Variants in SGPL1 observed in about 807,000 individuals in gnomAD.
The protein encoded by SGPL1 is sphingosine-1-phosphate lyase 1.
In SGPL1, 37 loss-of-function variants were observed where a neutral mutation model predicts 68.9. The observed-to-expected ratio is 0.54, with a 90% CI of 0.41 to 0.71. The LOEUF (loss-of-function observed/expected upper bound fraction) is 0.71, where lower values mean the gene tolerates loss of function less well. Ranked by LOEUF, SGPL1 falls within the 30% of genes least tolerant of loss-of-function variation. SGPL1 has a pLI of 0.00. For missense variants in SGPL1, 551 were observed against 704.6 expected, an observed-to-expected ratio of 0.78 and a Z score of 2.47; for synonymous variants, 236 against 248.5, an observed-to-expected ratio of 0.95 and a Z score of 0.47.
At position 70,859,494 on chromosome 10, in the gene SGPL1, G is replaced by A; in HGVS notation, c.610G>A (p.Gly204Arg). ...GTTCAATGGGGGACCAGATTCGTGT[G>A]GATGTGTAAGTATATGCAAGGGGCA... ...SLFNGGPDSC[G>R]CVTSGGTESI... is the part of the protein sequence containing the mutation. Residue 204 changes from glycine to arginine, a missense_variant, in exon 7 of 15, where the codon GGA becomes AGA. Coordinates refer to ENST00000373202, the MANE Select transcript of SGPL1 (RefSeq NM_003901.4). The A allele has an allele frequency of 1.3e-6, 2 of 1,517,354 alleles. No homozygotes were observed. The highest frequency in any genetic ancestry group is 5.1e-5 in the East Asian group (2 of 39,268). The allele number at this position is 1,517,354 out of a possible 1,614,324, so 94.0% of individuals were successfully genotyped here.
intron 2 of SGPL1, among the ~76,000 whole-genome samples, chr10:70,835,735 C>CGAA (rs1845617610): frequency 2.9e-5 from 2 of 70,130 alleles, no homozygotes; most frequent in Non-Finnish European, 5.5e-5. Context: ...GACTCCGTCT[C>CGAA]AAAAAAAAAA....
intron 9 of SGPL1, 135 bp from the exon 10 acceptor site, chr10:70,870,913 C>G (rs1285706511): frequency 1.5e-6 from 1 of 682,838 alleles, no homozygotes; most frequent in Non-Finnish European, 2.6e-6. Flanking sequence ...CAGTCTTCTC[C>G]CAGTTGGAGT....
In SGPL1 at chr10:70,868,450, G is replaced by A. The variant is rs982921874; in HGVS notation, c.704+17G>A. 9 of 1,598,620 alleles carry A rather than the reference G, an allele frequency of 5.6e-6. No homozygotes were observed. The highest frequency in any genetic ancestry group is 7.7e-6 in the Non-Finnish European group (9 of 1,165,954). On this transcript the variant is annotated intron_variant, in intron 8 of 14. Coordinates refer to ENST00000373202, the MANE Select transcript of SGPL1 (RefSeq NM_003901.4). ...TCCAGAAATGTATGTATGTGTGGCT[G>A]TTTTGTCCCCTTTTGGATTTGTCTG...
chr10:70,830,328 T>C (rs540857938), intron 2 of SGPL1, among the ~76,000 whole-genome samples: 5 of 152,296 alleles, frequency 3.3e-5, no homozygotes, highest in Admixed American at 6.5e-5. Flanking sequence ...CTTATTTCCT[T>C]CTCACCGGTC....
chr10:70,858,349 G>C (rs1245078267), intron 6 of SGPL1, among the ~76,000 whole-genome samples: 2 of 152,062 alleles, frequency 1.3e-5, no homozygotes, highest in Admixed American at 6.6e-5. Flanking sequence ...TGTTGCCCAG[G>C]TTGGTCTTCA....
intron 7 of SGPL1, chr10:70,860,563 C>A: frequency 2.4e-6 from 1 of 409,626 alleles, no homozygotes; most frequent in South Asian, 1.9e-5. Flanking sequence ...CCTTAGAGTA[C>A]TGAGGTGAAC....
In SGPL1 at chr10:70,871,126, C is replaced by T; in HGVS notation, c.889C>T (p.Pro297Ser). The change falls in exon 10 of 15, where the codon CCT (proline) becomes TCT (serine). Residue 297 changes from proline to serine, a missense_variant. By Grantham distance (74) the Pro-to-Ser change is moderately conservative. Coordinates refer to ENST00000373202, the MANE Select transcript of SGPL1 (RefSeq NM_003901.4). Reference sequence around the variant, plus strand: ...ACAGTTTCCTCATGGTGTAATAGATCCTGTCCCTGAAGTGGCCAAGGTATA... The same window carrying T: ...ACAGTTTCCTCATGGTGTAATAGATTCTGTCCCTGAAGTGGCCAAGGTATA... The part of the protein sequence containing the change: ...TPQFPHGVID[P>S]VPEVAKLAVK... 1 of 1,613,014 alleles carries T rather than the reference C, an allele frequency of 6.2e-7. No homozygotes were observed. The highest frequency in any genetic ancestry group is 8.5e-7 in the Non-Finnish European group (1 of 1,179,282).
At chr10:70,817,191 T>G (rs985051311) in intron 2 of SGPL1, among the ~76,000 whole-genome samples, 1 of 152,122 alleles carries the variant, frequency 6.6e-6, no homozygotes, top group Non-Finnish European at 1.5e-5. Context: ...GGCTAATTTT[T>G]GTATTTTTAG....
At chr10:70,854,170 C>T (rs1189259172) in intron 4 of SGPL1, among the ~76,000 whole-genome samples, 1 of 138,636 alleles carries the variant, frequency 7.2e-6, no homozygotes, top group Non-Finnish European at 1.6e-5. Flanking sequence ...TTGGGTGCAA[C>T]TTTTTTTTTT....
chr10:70,869,771 C>G, intron 8 of SGPL1, 21 bp from the exon 9 acceptor site: 4 of 1,596,982 alleles, frequency 2.5e-6, no homozygotes, highest in Non-Finnish European at 3.4e-6. Flanking sequence ...TTACATTATT[C>G]TCCTCTTCCC....
chr10:70,877,256 C>T lies in SGPL1; in HGVS notation c.1628C>T (p.Ser543Leu), dbSNP rs140703889. 3.8e-5 allele frequency: 61 copies of T among 1,613,800 alleles called. No individual in the cohort carries two copies. Among genetic ancestry groups the T allele is most frequent in the Non-Finnish European group, 4.9e-5 (58 of 1,179,780 alleles). The change falls in exon 15 of 15, where the codon TCA becomes TTA. Residue 543 changes from serine to leucine, a missense_variant. By Grantham distance (145) the Ser-to-Leu change is moderately radical. Transcript: ENST00000373202. ...VDRNMVAELS[S>L]VFLDSLYSTD... ...AGGAATATGGTTGCAGAATTGTCCT[C>T]AGTCTTCTTGGACAGCTTGTACAGC... is the stretch of plus-strand genomic sequence containing the variant.
At chr10:70,862,012 G>A (rs570621480) in intron 7 of SGPL1, among the ~76,000 whole-genome samples, 1 of 152,350 alleles carries the variant, frequency 6.6e-6, no homozygotes, top group African/African-American at 2.4e-5. Flanking sequence ...GACCACCCAA[G>A]GGCTGAGGAG....
rs758628412 is a variant in SGPL1 at position 70,816,828 on chromosome 10, C to A, written c.-26C>A. 1.2e-6 allele frequency: 2 copies of A among 1,612,816 alleles called. No individual in the cohort carries two copies. The highest frequency in any genetic ancestry group is 1.7e-6 in the Non-Finnish European group (2 of 1,178,930). On this transcript the variant is annotated 5_prime_UTR_variant, in exon 2 of 15. Transcript: ENST00000373202. ...TTTTACAGAGTCTGAAAAAGGGGAG[C>A]GCGGAGAGGAGGCTGGAAGAGGAAG...
chr10:70,864,370 C>A (rs1366846886), intron 7 of SGPL1, among the ~76,000 whole-genome samples: 1 of 151,302 alleles, frequency 6.6e-6, no homozygotes, highest in Non-Finnish European at 1.5e-5. Flanking sequence ...ATTGATCTTT[C>A]AATCTCTGTC....
Position 70,873,507 on chromosome 10 carries a change from G to T in SGPL1, c.1216G>T (p.Ala406Ser), listed in dbSNP as rs750358279. 6.2e-7 allele frequency: 1 copy of T among 1,614,264 alleles called. No homozygotes were observed. The highest frequency in any genetic ancestry group is 1.1e-5 in the South Asian group (1 of 91,092). The change falls in exon 12 of 15, where the codon GCT (alanine) becomes TCT (serine). Residue 406 changes from alanine (A) to serine (S), a missense_variant. Transcript: ENST00000373202. ...RPGGISAACW[A>S]ALMHFGENGY... ...TGGTGGCATTAGCGCAGCCTGTTGG[G>T]CTGCCTTGATGCACTTCGGTGAGAA...
At chr10:70,854,883 C>T (rs1308500334) in intron 5 of SGPL1, 28 bp downstream of exon 5, 2 of 1,550,380 alleles carry the variant, frequency 1.3e-6, no homozygotes, top group African/African-American at 1.4e-5. Context: ...TACATGCTCT[C>T]TACTTCCTTA....
intron 2 of SGPL1, among the ~76,000 whole-genome samples, chr10:70,842,448 G>A (rs1217698570): frequency 6.6e-6 from 1 of 152,146 alleles, no homozygotes; most frequent in East Asian, 1.9e-4. Flanking sequence ...CTGAGTCTGG[G>A]TAATTTATAA....
chr10:70,816,743 C>T (rs755906964), intron 1 of SGPL1, 68 bp from the exon 2 acceptor site: 4 of 1,105,430 alleles, frequency 3.6e-6, no homozygotes, highest in Admixed American at 1.7e-5. Context: ...GCTGCTCTGG[C>T]GAATCTAGGC....
At chr10:70,848,043 T>C (rs1210287337) in intron 3 of SGPL1, among the ~76,000 whole-genome samples, 1 of 152,234 alleles carries the variant, frequency 6.6e-6, no homozygotes, top group African/African-American at 2.4e-5. Context: ...CACAGTTTAT[T>C]ACTTTTACTT....
Sources: allele counts gnomAD v4.1 joint callset (sites outside exome capture counted in the v4.1 genomes callset), GRCh38; gene constraint gnomAD v4.1.1; transcripts MANE v1.5; gene names NCBI Gene and HGNC (gene_info 2026-07-23, HGNC 2026-07-21).